Variants in PXYLP1 observed in about 807,000 individuals in gnomAD.
The protein encoded by PXYLP1 is acid phosphatase-like 2.
In PXYLP1, 17 loss-of-function variants were observed where a neutral mutation model predicts 37.9. That is an observed-to-expected ratio of 0.45 (90% CI 0.31 to 0.67). The LOEUF (loss-of-function observed/expected upper bound fraction) is 0.67. PXYLP1 is among the 30% of genes least tolerant of loss of function. The probability of loss-of-function intolerance (pLI) is 0.07; values close to 1 mark genes in which losing one functional copy is unlikely to be tolerated. For synonymous variants in PXYLP1, 221 were observed against 232.2 expected (o/e 0.95, Z 0.44); for missense variants, 511 against 612.0 (o/e 0.84, Z 1.74).
chr3:141,260,359 A>G, intron 2 of PXYLP1, 105 bp downstream of exon 2: 1 of 1,322,626 alleles, frequency 7.6e-7, no homozygotes, highest in Non-Finnish European at 1.0e-6. Flanking sequence ...GCTGAAGACA[A>G]CGAAGTCTTT....
At chr3:141,282,110 G>A (rs1210900444) in intron 4 of PXYLP1, among the ~76,000 whole-genome samples, 2 of 152,058 alleles carry the variant, frequency 1.3e-5, no homozygotes, top group Admixed American at 1.3e-4. Flanking sequence ...TCCTTAAAGT[G>A]CCCCACAAGG....
intron 1 of PXYLP1, among the ~76,000 whole-genome samples, chr3:141,245,243 G>A (rs190172663): frequency 6.6e-6 from 1 of 151,636 alleles, no homozygotes; most frequent in Non-Finnish European, 1.5e-5. Flanking sequence ...AGAGACAGGG[G>A]TCTCTACTAA....
At chr3:141,286,251 T>G (rs1942072421) in intron 4 of PXYLP1, among the ~76,000 whole-genome samples, 1 of 152,250 alleles carries the variant, frequency 6.6e-6, no homozygotes, top group Non-Finnish European at 1.5e-5. Context: ...TATTAGTGAC[T>G]AGAAAGATTT....
chr3:141,262,651 G>T, intron 2 of PXYLP1: 1 of 1,527,382 alleles, frequency 6.5e-7, no homozygotes, highest in Non-Finnish European at 8.7e-7. Context: ...CTGGGTCTGA[G>T]CTCTTTATTC....
chr3:141,237,147 T>C (rs1354915861), intron 1 of PXYLP1, among the ~76,000 whole-genome samples: 1 of 152,222 alleles, frequency 6.6e-6, no homozygotes, highest in African/African-American at 2.4e-5. Context: ...AACCTGGATA[T>C]CCCTGCCCAC....
chr3:141,272,072 G>T (rs891369838), intron 2 of PXYLP1, among the ~76,000 whole-genome samples: 3 of 152,204 alleles, frequency 2.0e-5, no homozygotes, highest in Non-Finnish European at 4.4e-5. Flanking sequence ...CACATATGCA[G>T]GTAGATTTCT....
At chr3:141,268,678 C>T (rs1315025500) in intron 2 of PXYLP1, among the ~76,000 whole-genome samples, 7 of 152,162 alleles carry the variant, frequency 4.6e-5, no homozygotes, top group East Asian at 1.9e-4. Context: ...ATCCTGTACA[C>T]GAGGGTGAAG....
intron 4 of PXYLP1, among the ~76,000 whole-genome samples, chr3:141,280,453 G>C (rs1019766189): frequency 6.6e-6 from 1 of 152,208 alleles, no homozygotes; most frequent in Non-Finnish European, 1.5e-5. Flanking sequence ...CAGTTGGCCT[G>C]GCTGCCTCTG....
intron 1 of PXYLP1, among the ~76,000 whole-genome samples, chr3:141,249,780 TAAGA>T (rs775999500): frequency 6.6e-6 from 1 of 152,266 alleles, no homozygotes; most frequent in South Asian, 2.1e-4. Flanking sequence ...CTTTGAAACT[TAAGA>T]AAGAGCAAAG....
chr3:141,253,230 G>T (rs1043819638), intron 1 of PXYLP1, among the ~76,000 whole-genome samples: 1 of 152,220 alleles, frequency 6.6e-6, no homozygotes, highest in Non-Finnish European at 1.5e-5. Context: ...CAGTGGGGAA[G>T]CTGGCCTGGG....
intron 2 of PXYLP1, among the ~76,000 whole-genome samples, chr3:141,266,309 A>G (rs1941509491): frequency 6.6e-6 from 1 of 152,226 alleles, no homozygotes; most frequent in Non-Finnish European, 1.5e-5. Flanking sequence ...CCCACGGAGC[A>G]TTACGGGGAC....
intron 2 of PXYLP1, chr3:141,272,952 A>G: frequency 1.0e-6 from 1 of 976,340 alleles, no homozygotes; most frequent in Non-Finnish European, 1.2e-6. Flanking sequence ...CAACCCAATC[A>G]AGTGGACACC....
At chr3:141,254,072 C>T (rs1007023041) in intron 1 of PXYLP1, among the ~76,000 whole-genome samples, 5 of 151,992 alleles carry the variant, frequency 3.3e-5, no homozygotes, top group African/African-American at 9.7e-5. Context: ...CCACTATGCC[C>T]GACTAATTTT....
chr3:141,269,166 C>T (rs1242549191), intron 2 of PXYLP1, among the ~76,000 whole-genome samples: 1 of 152,240 alleles, frequency 6.6e-6, no homozygotes, highest in South Asian at 2.1e-4. Flanking sequence ...AACCCACCCA[C>T]CCTCAAGGAC....
chr3:141,244,902 C>A (rs761165067), intron 1 of PXYLP1, among the ~76,000 whole-genome samples: 2 of 151,954 alleles, frequency 1.3e-5, no homozygotes, highest in Non-Finnish European at 2.9e-5. Context: ...ACCACCATTT[C>A]CCCTTCACAG....
intron 4 of PXYLP1, among the ~76,000 whole-genome samples, chr3:141,282,973 A>C (rs1559895284): frequency 1.4e-5 from 2 of 147,252 alleles, no homozygotes; most frequent in Non-Finnish European, 3.0e-5. Flanking sequence ...AGGCTGTATA[A>C]TTTTTTTTTT....
chr3:141,287,909 T>C (rs1942113367), intron 5 of PXYLP1, among the ~76,000 whole-genome samples: 1 of 152,272 alleles, frequency 6.6e-6, no homozygotes, highest in Non-Finnish European at 1.5e-5. Flanking sequence ...ATTCTTTCAC[T>C]CTGGATGGGC....
At chr3:141,273,779 G>A (rs1040772580) in intron 2 of PXYLP1, 7 of 985,330 alleles carry the variant, frequency 7.1e-6, no homozygotes, top group Middle Eastern at 1.0e-3. Context: ...GGTAGCTTAC[G>A]GAAATTTGCC....
At chr3:141,248,577 A>ACG (rs1491236023) in intron 1 of PXYLP1, among the ~76,000 whole-genome samples, 3 of 92,312 alleles carry the variant, frequency 3.2e-5, no homozygotes, top group Admixed American at 1.2e-4. Context: ...ATATACACAC[A>ACG]TGTATATATA....
Sources: allele counts gnomAD v4.1 joint callset (sites outside exome capture counted in the v4.1 genomes callset), GRCh38; gene constraint gnomAD v4.1.1; transcripts MANE v1.5; gene names NCBI Gene and HGNC (gene_info 2026-07-23, HGNC 2026-07-21).